Variants in COL12A1 observed in about 807,000 individuals in gnomAD.
The protein encoded by COL12A1 is collagen type XII alpha 1 chain.
Under a neutral mutation model 349.7 loss-of-function variants are expected in COL12A1, and 114 were observed. The observed-to-expected ratio is 0.33, with a 90% CI of 0.28 to 0.38. The LOEUF is 0.38. Among genes scored for constraint, COL12A1 ranks in the 10% least tolerant of loss-of-function variants. The pLI, the probability that COL12A1 is intolerant of heterozygous loss-of-function variation, is 1.00. For synonymous variants in COL12A1, 1,369 were observed against 1,329.0 expected (o/e 1.03, Z -0.66); for missense variants, 3,284 against 3,756.9 (o/e 0.87, Z 3.29).
At chr6:75,171,965 T>G (rs1458725818) in intron 13 of COL12A1, among the ~76,000 whole-genome samples, 1 of 152,350 alleles carries the variant, frequency 6.6e-6, no homozygotes, top group East Asian at 1.9e-4. Flanking sequence ...ATGAACAAAA[T>G]GTCCATTGTA....
Position 75,177,690 on chromosome 6 carries a change from A to G in COL12A1, c.2410T>C (p.Leu804=). ...PEYFSGPGTP[L]TGNAATEEVR... ...TCTTCAGTGGCTGCATTTCCAGTTA[A>G]TGGAGTACCAGGTCCTGAGAAATAT... The change falls in exon 12 of 66, where the codon TTA becomes CTA. Residue 804 remains leucine, a synonymous_variant. Coordinates refer to ENST00000322507, the MANE Select transcript of COL12A1 (RefSeq NM_004370.6). The G allele has an allele frequency of 6.2e-7, 1 of 1,614,050 alleles. No homozygotes were observed. Among genetic ancestry groups the G allele is most frequent in the Non-Finnish European group, 8.5e-7 (1 of 1,180,014 alleles).
At chr6:75,183,010 G>C (rs1769396986) in intron 10 of COL12A1, 40 bp downstream of exon 10, 1 of 1,536,982 alleles carries the variant, frequency 6.5e-7, no homozygotes, top group South Asian at 1.3e-5. Context: ...AAAATTCTTT[G>C]TTCATGAAGA....
rs927693788 is a variant in COL12A1, at chr6:75,102,117, A to G, written c.8416-65T>C. ...CAGAGATTAAGCAAAAAAGGAAGACATGAGTCACTTATGAAATCTTCATCA... is the reference window on the plus strand; with the variant it reads ...CAGAGATTAAGCAAAAAAGGAAGACGTGAGTCACTTATGAAATCTTCATCA... On this transcript the variant is annotated intron_variant, in intron 56 of 65. Coordinates refer to ENST00000322507, the MANE Select transcript of COL12A1 (RefSeq NM_004370.6). The G allele has an allele frequency of 2.7e-5, 40 of 1,462,094 alleles. No individual in the cohort carries two copies. In the Admixed American group the frequency reaches 5.1e-4, roughly 19 times the overall value. The allele number at this position is 1,462,094 out of a possible 1,614,324, so 90.6% of individuals were successfully genotyped here.
chr6:75,132,121 T>C, intron 34 of COL12A1, 39 bp from the exon 35 acceptor site: 1 of 1,605,044 alleles, frequency 6.2e-7, no homozygotes, highest in Admixed American at 1.7e-5. Flanking sequence ...TTTAAGTCTG[T>C]TTATATATCT....
chr6:75,189,410 C>G (rs1209250044), intron 6 of COL12A1, 29 bp from the exon 7 acceptor site: 1 of 1,606,178 alleles, frequency 6.2e-7, no homozygotes, highest in Admixed American at 1.7e-5. Context: ...TGTTCATTTA[C>G]TCTGTACTAC....
chr6:75,180,310 T>A (rs1769195304), intron 11 of COL12A1, among the ~76,000 whole-genome samples: 1 of 152,162 alleles, frequency 6.6e-6, no homozygotes, highest in African/African-American at 2.4e-5. Flanking sequence ...GTAATCAAAT[T>A]CCTAGAGACA....
chr6:75,107,326 A>AGT (rs1768617637), intron 52 of COL12A1, among the ~76,000 whole-genome samples: 1 of 152,086 alleles, frequency 6.6e-6, no homozygotes, highest in South Asian at 2.1e-4. Flanking sequence ...GCTGGAGTAT[A>AGT]GTGGTGTGAT....
chr6:75,191,361 T>A (rs1158758237), intron 5 of COL12A1, among the ~76,000 whole-genome samples: 1 of 152,018 alleles, frequency 6.6e-6, no homozygotes, highest in Non-Finnish European at 1.5e-5. Context: ...CACCTACTGC[T>A]ATCAGTTTGT....
rs766026308 is a variant in COL12A1, at chr6:75,192,227, T to A, written c.319A>T (p.Ile107Leu). ...GTGTGCTTACTTGTTAGTTGTCCTA[T>A]AACTGGTACACTTTCTTCTACTTCA... ...YDEVEESVPV[I>L]GQLTIQTGSS... is the part of the protein sequence containing the mutation. Residue 107 changes from isoleucine to leucine, a missense_variant, in exon 4 of 66, where the codon ATA (isoleucine) becomes TTA (leucine). By Grantham distance (5) the Ile-to-Leu change is conservative (BLOSUM62 2). Around this residue, in one of 2 missense-constraint regions of COL12A1, gnomAD observed 2,601 missense variants for 2,824.8 expected, o/e 0.92. Transcript: ENST00000322507. 1 of 1,598,210 alleles carries A rather than the reference T, an allele frequency of 6.3e-7. No individual in the cohort carries two copies. The highest frequency in any genetic ancestry group is 8.5e-7 in the Non-Finnish European group (1 of 1,170,928).
In COL12A1 at chr6:75,137,532, T is replaced by C. The variant is rs766882236; in HGVS notation, c.5299A>G (p.Asn1767Asp). The part of the protein sequence containing the change: ...RNLQVYNATS[N>D]SLTVKWDPAS... ...GGATCCCACTTAACAGTCAGGCTGTTAGATGTTGCATTGTACACTTGAAGG... is the reference window on the plus strand; with the variant it reads ...GGATCCCACTTAACAGTCAGGCTGTCAGATGTTGCATTGTACACTTGAAGG... Residue 1767 changes from asparagine (N) to aspartate (D), a missense_variant, in exon 31 of 66, where the codon AAC becomes GAC. This residue lies in a region of COL12A1 where 2,601 missense variants were observed against 2,824.8 expected (regional missense o/e 0.92). Coordinates refer to ENST00000322507, the MANE Select transcript of COL12A1 (RefSeq NM_004370.6). 2.5e-6 allele frequency: 4 copies of C among 1,613,800 alleles called. No homozygotes were observed. Among genetic ancestry groups the C allele is most frequent in the Non-Finnish European group, 3.4e-6 (4 of 1,179,884 alleles).
At chr6:75,144,640 C>A (rs1767085269) in intron 25 of COL12A1, among the ~76,000 whole-genome samples, 1 of 152,100 alleles carries the variant, frequency 6.6e-6, no homozygotes, top group Non-Finnish European at 1.5e-5. Flanking sequence ...GAAAAAAGCA[C>A]CTAAATGCTT....
chr6:75,171,522 A>G (rs185605900), intron 13 of COL12A1, among the ~76,000 whole-genome samples: 147 of 152,362 alleles, frequency 9.6e-4, no homozygotes, highest in Non-Finnish European at 5.9e-5. Flanking sequence ...ATTGAAAGCC[A>G]TAATGCATTT....
At chr6:75,187,600 T>C (rs539772333) in intron 8 of COL12A1, among the ~76,000 whole-genome samples, 31 of 152,274 alleles carry the variant, frequency 2.0e-4, no homozygotes, top group African/African-American at 7.2e-4. Flanking sequence ...TGAGAGGTTC[T>C]GAGACAGAAT....
intron 2 of COL12A1, among the ~76,000 whole-genome samples, chr6:75,197,942 G>A (rs1251044667): frequency 2.0e-5 from 3 of 152,156 alleles, no homozygotes; most frequent in African/African-American, 2.4e-5. Flanking sequence ...AACTTGCTGA[G>A]TGTTCTCTAT....
chr6:75,119,578 G>C (rs1769254550), intron 44 of COL12A1, 105 bp from the exon 45 acceptor site: 2 of 1,322,516 alleles, frequency 1.5e-6, no homozygotes, highest in Non-Finnish European at 1.0e-6. Context: ...GGTGTAAAAA[G>C]TATCTCAGAC....
intron 14 of COL12A1, among the ~76,000 whole-genome samples, chr6:75,157,163 C>T (rs188219389): frequency 3.2e-4 from 48 of 152,058 alleles, no homozygotes; most frequent in African/African-American, 8.0e-4. Context: ...TATTAAATTC[C>T]GTTTACTAAT....
At chr6:75,133,484 C>G in intron 33 of COL12A1, 62 bp from the exon 34 acceptor site, 1 of 1,502,262 alleles carries the variant, frequency 6.7e-7, no homozygotes, top group Non-Finnish European at 9.1e-7. Flanking sequence ...AATAATAATT[C>G]AAATAACACA....
chr6:75,102,118 T>G (rs568255169), intron 56 of COL12A1, 66 bp from the exon 57 acceptor site: 1 of 1,460,658 alleles, frequency 6.8e-7, no homozygotes, highest in Non-Finnish European at 9.6e-7. Flanking sequence ...AAGGAAGACA[T>G]GAGTCACTTA....
At position 75,113,674 on chromosome 6, in the gene COL12A1, G is replaced by C; in HGVS notation, c.7768C>G (p.Pro2590Ala). 4 of 1,606,754 alleles carry C rather than the reference G, an allele frequency of 2.5e-6. No homozygotes were observed. The Middle Eastern group carries it at 5.0e-4, about 200-fold the overall frequency. ...TGCCAAATTGCAAAAGGGTCACTGGGAGTTTCTGGGAGAAGTCTGAATAAT... is the reference window on the plus strand; with the variant it reads ...TGCCAAATTGCAAAAGGGTCACTGGCAGTTTCTGGGAGAAGTCTGAATAAT... ...ILLFRLLPET[P>A]SDPFAIWQIT... The change falls in exon 50 of 66, where the codon CCC becomes GCC. Residue 2590 changes from proline (P) to alanine (A), a missense_variant. By Grantham distance (27) the Pro-to-Ala change is conservative (BLOSUM62 -1). Around this residue, in one of 2 missense-constraint regions of COL12A1, gnomAD observed 683 missense variants for 932.1 expected, o/e 0.73. Coordinates refer to ENST00000322507, the MANE Select transcript of COL12A1 (RefSeq NM_004370.6).
Sources: allele counts gnomAD v4.1 joint callset (sites outside exome capture counted in the v4.1 genomes callset), GRCh38; gene constraint gnomAD v4.1.1; regional missense constraint gnomAD v4.1.1; transcripts MANE v1.5; gene names NCBI Gene and HGNC (gene_info 2026-07-23, HGNC 2026-07-21).